Variants in LYN observed in about 807,000 individuals in gnomAD.
LYN encodes LYN proto-oncogene, Src family tyrosine kinase, also known as tyrosine-protein kinase Lyn.
In LYN, 12 loss-of-function variants were observed where a neutral mutation model predicts 65.0. The ratio of observed to expected loss-of-function variants is 0.18; its 90% CI spans 0.12 to 0.30. LYN has a LOEUF of 0.30. Among genes scored for constraint, LYN ranks in the 10% least tolerant of loss-of-function variants. The probability of loss-of-function intolerance (pLI) is 1.00; values close to 1 mark genes in which losing one functional copy is unlikely to be tolerated. For synonymous variants in LYN, 222 were observed against 221.2 expected (o/e 1.00, Z -0.03); for missense variants, 380 against 623.2 (o/e 0.61, Z 4.16).
At chr8:55,918,577 T>G (rs1279918563) in intron 1 of LYN, among the ~76,000 whole-genome samples, 1 of 152,200 alleles carries the variant, frequency 6.6e-6, no homozygotes, top group Non-Finnish European at 1.5e-5. Flanking sequence ...GGAATAATAA[T>G]GCATTTTGTC....
At chr8:55,986,374 G>A (rs1808073531) in intron 10 of LYN, among the ~76,000 whole-genome samples, 1 of 152,100 alleles carries the variant, frequency 6.6e-6, no homozygotes, top group African/African-American at 2.4e-5. Flanking sequence ...TCTATCTTCG[G>A]GGTAGTACAG....
At chr8:55,986,382 C>G (rs1032270852) in intron 10 of LYN, among the ~76,000 whole-genome samples, 3 of 152,090 alleles carry the variant, frequency 2.0e-5, no homozygotes, top group Non-Finnish European at 4.4e-5. Context: ...CGGGGTAGTA[C>G]AGTGAGTTTT....
intron 6 of LYN, 112 bp downstream of exon 6, chr8:55,950,896 A>G (rs1243588851): frequency 4.1e-6 from 3 of 724,744 alleles, no homozygotes; most frequent in Non-Finnish European, 7.1e-6. Context: ...TCTGGTAGTA[A>G]AAGTTTTATG....
chr8:55,902,077 G>A (rs548459846), intron 1 of LYN, among the ~76,000 whole-genome samples: 1 of 151,554 alleles, frequency 6.6e-6, no homozygotes, highest in South Asian at 2.1e-4. Flanking sequence ...GTGCGATCTT[G>A]GCTTACCACA....
chr8:56,008,710 G>C (rs1238778896), intron 12 of LYN, among the ~76,000 whole-genome samples: 1 of 152,134 alleles, frequency 6.6e-6, no homozygotes, highest in Non-Finnish European at 1.5e-5. Context: ...CAGGCCTTTT[G>C]CAGAGCTCTA....
At chr8:55,981,645 C>A (rs552341864) in intron 10 of LYN, among the ~76,000 whole-genome samples, 1 of 152,142 alleles carries the variant, frequency 6.6e-6, no homozygotes, top group African/African-American at 2.4e-5. Flanking sequence ...TGTGAGCCAC[C>A]GTGCCCGGCC....
At chr8:55,914,395 C>G (rs770538612) in intron 1 of LYN, among the ~76,000 whole-genome samples, 5 of 152,074 alleles carry the variant, frequency 3.3e-5, no homozygotes, top group Non-Finnish European at 7.4e-5. Context: ...TGCAAATGCT[C>G]CCCTAAAGTG....
chr8:55,936,340 A>G (rs16922433), intron 1 of LYN, among the ~76,000 whole-genome samples: 22,101 of 152,224 alleles, frequency 0.15, 1,765 homozygotes, highest in Middle Eastern at 0.29. Flanking sequence ...TTGCATCAGT[A>G]AAGAAGTGCA....
chr8:56,001,905 A>T (rs1808522509), intron 12 of LYN, among the ~76,000 whole-genome samples: 1 of 152,166 alleles, frequency 6.6e-6, no homozygotes, highest in Non-Finnish European at 1.5e-5. Flanking sequence ...TGAGCCCCAG[A>T]TCCATGTGCC....
chr8:56,001,898 G>A (rs1808522270), intron 12 of LYN, among the ~76,000 whole-genome samples: 1 of 152,132 alleles, frequency 6.6e-6, no homozygotes, highest in Non-Finnish European at 1.5e-5. Flanking sequence ...GCTGCTCTGA[G>A]CCCCAGATCC....
At chr8:55,942,192 A>G (rs1372318918) in intron 2 of LYN, among the ~76,000 whole-genome samples, 1 of 151,902 alleles carries the variant, frequency 6.6e-6, no homozygotes, top group African/African-American at 2.4e-5. Flanking sequence ...TCATTGTGCA[A>G]TTAAAAGGGC....
chr8:55,884,128 C>T (rs1804721594), intron 1 of LYN, among the ~76,000 whole-genome samples: 1 of 152,160 alleles, frequency 6.6e-6, no homozygotes, highest in Non-Finnish European at 1.5e-5. Flanking sequence ...GAGATGAAGG[C>T]TCACTCTGTC....
At chr8:55,914,162 G>A (rs1805720185) in intron 1 of LYN, among the ~76,000 whole-genome samples, 1 of 151,914 alleles carries the variant, frequency 6.6e-6, no homozygotes, top group South Asian at 2.1e-4. Flanking sequence ...AATGGCATGG[G>A]AAATAAGAGA....
At chr8:55,991,327 G>T (rs1808241854) in intron 10 of LYN, among the ~76,000 whole-genome samples, 1 of 152,154 alleles carries the variant, frequency 6.6e-6, no homozygotes, top group Non-Finnish European at 1.5e-5. Context: ...CTCTTTCTCT[G>T]GTCCACTTGT....
intron 1 of LYN, among the ~76,000 whole-genome samples, chr8:55,918,649 G>A (rs957002673): frequency 6.6e-6 from 1 of 150,820 alleles, no homozygotes; most frequent in African/African-American, 2.4e-5. Context: ...CCAGGTGTTC[G>A]GGGTTGTCTC....
intron 1 of LYN, among the ~76,000 whole-genome samples, chr8:55,935,851 T>C (rs557718423): frequency 6.6e-6 from 1 of 151,472 alleles, no homozygotes; most frequent in Admixed American, 6.6e-5. Context: ...TGGGAATTAA[T>C]GGAGTTGGTG....
chr8:55,988,007 GA>G (rs1016864143), intron 10 of LYN, among the ~76,000 whole-genome samples: 3 of 152,086 alleles, frequency 2.0e-5, no homozygotes, highest in Non-Finnish European at 4.4e-5. Context: ...GTTATACTTG[GA>G]AAAGGAGATT....
intron 1 of LYN, among the ~76,000 whole-genome samples, chr8:55,898,894 G>T (rs1214554782): frequency 6.6e-6 from 1 of 152,038 alleles, no homozygotes; most frequent in African/African-American, 2.4e-5. Flanking sequence ...GCACAATCAC[G>T]ATCACTGTAG....
chr8:55,997,618 C>T lies in LYN; in HGVS notation c.1051-728C>T, dbSNP rs142137571. 9.9e-5 allele frequency among the ~76,000 whole-genome samples: 15 copies of T among 152,238 alleles called. No individual in the cohort carries two copies. The East Asian group carries it at 2.9e-3, about 29-fold the overall frequency. ...AGGCCCTGCCTCCTAATACTATTGC[C>T]TCGGGGTTCAGGATTGCAACATTTG... On this transcript the variant is annotated intron_variant, in intron 10 of 12. Coordinates refer to ENST00000519728, the MANE Select transcript of LYN (RefSeq NM_002350.4).
Sources: allele counts gnomAD v4.1 joint callset (sites outside exome capture counted in the v4.1 genomes callset), GRCh38; gene constraint gnomAD v4.1.1; transcripts MANE v1.5; gene names NCBI Gene and HGNC (gene_info 2026-07-23, HGNC 2026-07-21).